Variants in WWOX observed in about 807,000 individuals in gnomAD.
WWOX encodes WW domain-containing oxidoreductase.
Under a neutral mutation model 46.2 loss-of-function variants are expected in WWOX, and 69 were observed. The observed-to-expected ratio is 1.49, with a 90% CI of 1.23 to 1.82. The LOEUF (loss-of-function observed/expected upper bound fraction) is 1.82, where lower values mean the gene tolerates loss of function less well. Ranked by LOEUF, WWOX falls within the 40% of genes most tolerant of loss-of-function variation. WWOX has a pLI of 0.00. For synonymous variants in WWOX, 359 were observed against 202.6 expected (o/e 1.77, Z -6.56); for missense variants, 919 against 542.6 (o/e 1.69, Z -6.89).
At chr16:78,606,656 TC>T (rs2045765048) in intron 8 of WWOX, among the ~76,000 whole-genome samples, 1 of 148,998 alleles carries the variant, frequency 6.7e-6, no homozygotes, top group Non-Finnish European at 1.5e-5. Context: ...TGTGAACACA[TC>T]CAGACAAATG....
chr16:78,713,625 G>A (rs987927122), intron 8 of WWOX, among the ~76,000 whole-genome samples: 2 of 152,288 alleles, frequency 1.3e-5, no homozygotes, highest in East Asian at 3.9e-4. Context: ...GAATTCATAT[G>A]CATGGAGGAA....
At chr16:78,816,254 C>T (rs534745813) in intron 8 of WWOX, among the ~76,000 whole-genome samples, 3 of 152,134 alleles carry the variant, frequency 2.0e-5, no homozygotes, top group Non-Finnish European at 4.4e-5. Flanking sequence ...AAAGAGGGCA[C>T]CCTTTTCTTT....
intron 8 of WWOX, among the ~76,000 whole-genome samples, chr16:78,982,651 C>G (rs531507882): frequency 1.1e-4 from 16 of 152,188 alleles, no homozygotes; most frequent in Admixed American, 7.2e-4. Context: ...ACTAATATTT[C>G]TGGTGCAGGA....
intron 8 of WWOX, among the ~76,000 whole-genome samples, chr16:78,498,693 C>T (rs1322487530): frequency 6.6e-6 from 1 of 152,170 alleles, no homozygotes; most frequent in African/African-American, 2.4e-5. Context: ...TCCCCATTCT[C>T]TCTTTCTGTT....
chr16:78,125,479 C>T (rs1472447051), intron 4 of WWOX, among the ~76,000 whole-genome samples: 1 of 152,186 alleles, frequency 6.6e-6, no homozygotes, highest in Admixed American at 6.5e-5. Flanking sequence ...AAGCCTCGCT[C>T]TGTGCCCGGT....
intron 8 of WWOX, among the ~76,000 whole-genome samples, chr16:79,066,216 T>C (rs2048438519): frequency 6.6e-6 from 1 of 152,202 alleles, no homozygotes; most frequent in African/African-American, 2.4e-5. Context: ...GGGACGTTCC[T>C]TCCAGAGAGG....
At chr16:78,979,849 C>T (rs1427548825) in intron 8 of WWOX, among the ~76,000 whole-genome samples, 3 of 152,150 alleles carry the variant, frequency 2.0e-5, no homozygotes, top group East Asian at 3.9e-4. Flanking sequence ...ATCAACGTGG[C>T]TGGGTGCAGT....
intron 8 of WWOX, among the ~76,000 whole-genome samples, chr16:78,973,142 G>A (rs947959883): frequency 6.6e-6 from 1 of 152,204 alleles, no homozygotes; most frequent in African/African-American, 2.4e-5. Context: ...AGGTGGGGTT[G>A]CGGAAATCTC....
intron 8 of WWOX, among the ~76,000 whole-genome samples, chr16:78,771,858 G>GCT (rs1411842809): frequency 2.0e-5 from 3 of 151,796 alleles, no homozygotes; most frequent in African/African-American, 7.3e-5. Flanking sequence ...GTTCAGTCTA[G>GCT]CTCTCTCACA....
chr16:78,508,100 C>G (rs1463256276), intron 8 of WWOX, among the ~76,000 whole-genome samples: 1 of 151,920 alleles, frequency 6.6e-6, no homozygotes, highest in Admixed American at 6.6e-5. Flanking sequence ...CTCTGCCTCC[C>G]AGGTTCAAGC....
intron 5 of WWOX, among the ~76,000 whole-genome samples, chr16:78,309,554 G>A (rs1216446027): frequency 6.6e-6 from 1 of 152,092 alleles, no homozygotes; most frequent in Non-Finnish European, 1.5e-5. Flanking sequence ...AAGTGTGCCT[G>A]TAACTTTTTT....
chr16:78,969,240 G>A (rs1266172990), intron 8 of WWOX, among the ~76,000 whole-genome samples: 1 of 150,782 alleles, frequency 6.6e-6, no homozygotes, highest in Non-Finnish European at 1.5e-5. Flanking sequence ...ATAACACTAG[G>A]ATTGCCACCC....
chr16:78,543,904 C>G (rs1597241507), intron 8 of WWOX, among the ~76,000 whole-genome samples: 1 of 152,184 alleles, frequency 6.6e-6, no homozygotes, highest in South Asian at 2.1e-4. Flanking sequence ...CTTTAATCAT[C>G]AATAAACTAA....
intron 8 of WWOX, among the ~76,000 whole-genome samples, chr16:78,930,418 C>A (rs921163098): frequency 6.7e-6 from 1 of 150,050 alleles, no homozygotes. Context: ...GCTGGGACTA[C>A]AGGTGTGCAC....
intron 8 of WWOX, among the ~76,000 whole-genome samples, chr16:78,572,419 A>T (rs1294862369): frequency 6.6e-6 from 1 of 151,894 alleles, no homozygotes; most frequent in East Asian, 1.9e-4. Context: ...ACATACTGAG[A>T]CCCCATCTCT....
At chr16:79,169,843 G>C (rs568624124) in intron 8 of WWOX, among the ~76,000 whole-genome samples, 145 of 152,260 alleles carry the variant, frequency 9.5e-4, no homozygotes, top group African/African-American at 3.3e-3. Context: ...TCTGGTTTGA[G>C]ATTGCTGTAT....
chr16:78,969,412 G>A (rs2046427137), intron 8 of WWOX, among the ~76,000 whole-genome samples: 1 of 152,006 alleles, frequency 6.6e-6, no homozygotes, highest in South Asian at 2.1e-4. Context: ...TGGGATTACA[G>A]GGGCACATGC....
chr16:78,558,914 C>T (rs1253346015), intron 8 of WWOX, among the ~76,000 whole-genome samples: 1 of 152,244 alleles, frequency 6.6e-6, no homozygotes, highest in Admixed American at 6.5e-5. Flanking sequence ...CCCATACTAA[C>T]CCCTACAACC....
chr16:78,337,689 A>T (rs996818835), intron 5 of WWOX, among the ~76,000 whole-genome samples: 2 of 152,126 alleles, frequency 1.3e-5, no homozygotes, highest in East Asian at 3.9e-4. Context: ...TTCCCCAGCA[A>T]AGTCCTTCTG....
Sources: gnomAD v4.1 joint callset for allele counts (sites outside exome capture counted in the v4.1 genomes callset) on GRCh38, gnomAD v4.1.1 for gene constraint, MANE v1.5 for transcripts, NCBI Gene and HGNC (gene_info 2026-07-23, HGNC 2026-07-21) for gene names.